ERC2: variants seen among roughly 807,000 people sequenced by gnomAD.
ERC2 encodes ELKS/RAB6-interacting/CAST family member 2.
In ERC2, 42 loss-of-function variants were observed where a neutral mutation model predicts 114.8. The observed-to-expected ratio is 0.37, with a 90% CI of 0.29 to 0.47. The LOEUF (loss-of-function observed/expected upper bound fraction) is 0.47. Among genes scored for constraint, ERC2 ranks in the 20% least tolerant of loss-of-function variants. The probability of loss-of-function intolerance (pLI) is 0.99; values close to 1 mark genes in which losing one functional copy is unlikely to be tolerated. For synonymous variants in ERC2, 454 were observed against 425.5 expected, an observed-to-expected ratio of 1.07 and a Z score of -0.82; for missense variants, 939 against 1,150.7, an observed-to-expected ratio of 0.82 and a Z score of 2.66.
intron 2 of ERC2, among the ~76,000 whole-genome samples, chr3:56,401,867 C>A (rs2106960235): frequency 6.6e-6 from 1 of 152,274 alleles, no homozygotes; most frequent in Non-Finnish European, 1.5e-5. Flanking sequence ...TACATACATA[C>A]CCGAGACTGG....
At chr3:56,124,019 G>A (rs2079738637) in intron 6 of ERC2, among the ~76,000 whole-genome samples, 1 of 152,092 alleles carries the variant, frequency 6.6e-6, no homozygotes, top group Non-Finnish European at 1.5e-5. Context: ...ACATATGAAA[G>A]TTTTATAAAA....
chr3:56,305,324 A>T (rs748862548), intron 2 of ERC2, among the ~76,000 whole-genome samples: 6 of 152,156 alleles, frequency 3.9e-5, no homozygotes, highest in Non-Finnish European at 8.8e-5. Flanking sequence ...AATTCCTATA[A>T]TTCAATAAAA....
At chr3:55,583,892 C>CT (rs1426122929) in intron 17 of ERC2, among the ~76,000 whole-genome samples, 6 of 151,508 alleles carry the variant, frequency 4.0e-5, no homozygotes, top group South Asian at 4.2e-4. Flanking sequence ...TTGCTAGCCC[C>CT]CCTCCCAAAA....
chr3:56,244,877 C>T (rs2051576561), intron 3 of ERC2, among the ~76,000 whole-genome samples: 1 of 152,188 alleles, frequency 6.6e-6, no homozygotes, highest in Non-Finnish European at 1.5e-5. Flanking sequence ...AGGTGGCCTA[C>T]ATGGTTCTCC....
intron 7 of ERC2, among the ~76,000 whole-genome samples, chr3:56,073,166 G>T (rs2076819514): frequency 6.6e-6 from 1 of 152,146 alleles, no homozygotes; most frequent in South Asian, 2.1e-4. Context: ...TTTCAACTGA[G>T]ATAATACTGA....
intron 17 of ERC2, among the ~76,000 whole-genome samples, chr3:55,559,721 T>C (rs2055872716): frequency 6.6e-6 from 1 of 152,230 alleles, no homozygotes. Context: ...GCCTTTGGCC[T>C]CTCTCCACTG....
At chr3:55,722,104 C>T (rs1363841415) in intron 15 of ERC2, among the ~76,000 whole-genome samples, 1 of 152,074 alleles carries the variant, frequency 6.6e-6, no homozygotes, top group Non-Finnish European at 1.5e-5. Context: ...AGTCTTTTTG[C>T]CCAATTCCAT....
intron 17 of ERC2, among the ~76,000 whole-genome samples, chr3:55,546,932 C>T (rs1441291798): frequency 1.3e-5 from 2 of 152,218 alleles, no homozygotes; most frequent in Admixed American, 6.5e-5. Context: ...TCATAGGAGG[C>T]GGAGTCGCAG....
intron 14 of ERC2, among the ~76,000 whole-genome samples, chr3:55,740,282 C>T (rs1309940565): frequency 6.6e-6 from 1 of 152,062 alleles, no homozygotes; most frequent in African/African-American, 2.4e-5. Context: ...CACTCACCAA[C>T]CTTAAATTAA....
chr3:56,277,699 T>G (rs1462720038), intron 3 of ERC2, among the ~76,000 whole-genome samples: 1 of 151,778 alleles, frequency 6.6e-6, no homozygotes, highest in Non-Finnish European at 1.5e-5. Context: ...CCATATATTT[T>G]CATACTTCCT....
intron 1 of ERC2, among the ~76,000 whole-genome samples, chr3:56,446,093 C>T (rs2062548831): frequency 1.3e-5 from 2 of 152,096 alleles, no homozygotes; most frequent in African/African-American, 4.8e-5. Context: ...CTCCTCAGAT[C>T]CCTGGTTTGG....
At chr3:55,606,255 A>G (rs2058636938) in intron 17 of ERC2, among the ~76,000 whole-genome samples, 1 of 152,192 alleles carries the variant, frequency 6.6e-6, no homozygotes, top group African/African-American at 2.4e-5. Context: ...TTAGGGAAGG[A>G]GCTGGTTAGG....
intron 3 of ERC2, among the ~76,000 whole-genome samples, chr3:56,264,323 G>C (rs1295825534): frequency 6.6e-6 from 1 of 152,162 alleles, no homozygotes; most frequent in African/African-American, 2.4e-5. Context: ...CAGGCTGGGT[G>C]TGGTGGCTCA....
intron 17 of ERC2, among the ~76,000 whole-genome samples, chr3:55,656,773 C>G (rs2060886525): frequency 6.6e-6 from 1 of 152,228 alleles, no homozygotes; most frequent in Non-Finnish European, 1.5e-5. Flanking sequence ...GAAACTATCA[C>G]TGCAGAACCT....
Position 55,950,469 on chromosome 3 carries a change from G to T in ERC2, c.2359C>A (p.Arg787Ser), listed in dbSNP as rs371754235. ...TCAGCCATGCTGTCTTCTCGCCTGC[G>T]CACTTCTTCTAGTAACTGAGCATTT... is the stretch of plus-strand genomic sequence containing the variant. ...KKNAQLLEEV[R>S]RREDSMADNS... Residue 787 changes from arginine (R) to serine (S), a missense_variant, in exon 13 of 18, where the codon CGC (arginine) becomes AGC (serine). Coordinates refer to ENST00000288221, the MANE Select transcript of ERC2 (RefSeq NM_015576.3). The T allele has an allele frequency of 5.0e-6, 8 of 1,614,014 alleles. No homozygotes were observed. The highest frequency in any genetic ancestry group is 2.2e-5 in the East Asian group (1 of 44,876).
intron 14 of ERC2, among the ~76,000 whole-genome samples, chr3:55,850,034 C>T (rs539536452): frequency 6.6e-6 from 1 of 152,254 alleles, no homozygotes; most frequent in East Asian, 1.9e-4. Context: ...AGAAACCATT[C>T]CATGCTTTTT....
intron 14 of ERC2, among the ~76,000 whole-genome samples, chr3:55,794,815 C>A (rs555088580): frequency 9.9e-5 from 15 of 152,274 alleles, no homozygotes; most frequent in Non-Finnish European, 2.1e-4. Flanking sequence ...GTTAAACTCA[C>A]AGTTATCATG....
intron 6 of ERC2, among the ~76,000 whole-genome samples, chr3:56,092,100 A>G (rs2077826124): frequency 1.3e-5 from 2 of 152,220 alleles, no homozygotes; most frequent in Admixed American, 1.3e-4. Context: ...TTGAATTCAA[A>G]AAATAGAATT....
Sources: allele counts gnomAD v4.1 joint callset (sites outside exome capture counted in the v4.1 genomes callset), GRCh38; gene constraint gnomAD v4.1.1; transcripts MANE v1.5; gene names NCBI Gene and HGNC (gene_info 2026-07-23, HGNC 2026-07-21).